The following ANO3 variants were observed in gnomAD, a reference collection of about 807,000 sequenced individuals.
ANO3 encodes the protein anoctamin-3.
A neutral mutation model predicts 144.8 loss-of-function variants in ANO3; 99 were observed. The ratio of observed to expected loss-of-function variants is 0.68; its 90% CI spans 0.58 to 0.81. The LOEUF (loss-of-function observed/expected upper bound fraction) is 0.81, where lower values mean the gene tolerates loss of function less well. ANO3 is among the 30% of genes least tolerant of loss of function. The pLI, the probability that ANO3 is intolerant of heterozygous loss-of-function variation, is 0.00. For missense variants in ANO3, 905 were observed against 1,202.2 expected (o/e 0.75, Z 3.66); for synonymous variants, 414 against 392.6 (o/e 1.05, Z -0.64).
At chr11:26,383,000 A>G (rs1856627848) in intron 1 of ANO3, among the ~76,000 whole-genome samples, 2 of 152,170 alleles carry the variant, frequency 1.3e-5, no homozygotes, top group South Asian at 4.1e-4. Context: ...TTCTATTAAC[A>G]TTGTGATCTT....
intron 14 of ANO3, among the ~76,000 whole-genome samples, chr11:26,595,460 G>GTGTTTTT (rs1851584686): frequency 2.0e-5 from 2 of 101,384 alleles, no homozygotes; most frequent in East Asian, 3.0e-4. Flanking sequence ...AGATAGAGTT[G>GTGTTTTT]TTTTTTTTTT....
chr11:26,419,178 G>A (rs1300687327), intron 1 of ANO3, among the ~76,000 whole-genome samples: 1 of 152,040 alleles, frequency 6.6e-6, no homozygotes, highest in Non-Finnish European at 1.5e-5. Flanking sequence ...GAAAGGGGAG[G>A]TGCTACACAC....
At chr11:26,277,537 A>G (rs773388174) in intron 1 of ANO3, among the ~76,000 whole-genome samples, 2 of 152,018 alleles carry the variant, frequency 1.3e-5, no homozygotes, top group Non-Finnish European at 2.9e-5. Flanking sequence ...AATCTTTTTG[A>G]CTTTTGCTGC....
At chr11:26,265,034 G>C (rs1273360016) in intron 1 of ANO3, among the ~76,000 whole-genome samples, 1 of 151,600 alleles carries the variant, frequency 6.6e-6, no homozygotes, top group African/African-American at 2.4e-5. Context: ...AGAAAATCAA[G>C]AATAAAAAAG....
chr11:26,471,610 A>G (rs1859786053), intron 4 of ANO3, among the ~76,000 whole-genome samples: 1 of 151,900 alleles, frequency 6.6e-6, no homozygotes, highest in Admixed American at 6.6e-5. Flanking sequence ...ACTGCACAAA[A>G]GCTCCTACAG....
chr11:26,244,009 C>T (rs1852724087), intron 1 of ANO3, among the ~76,000 whole-genome samples: 1 of 150,616 alleles, frequency 6.6e-6, no homozygotes, highest in South Asian at 2.1e-4. Flanking sequence ...CCCAGCTACT[C>T]AACAGGCTGA....
At chr11:26,539,997 G>T (rs577140563) in intron 10 of ANO3, among the ~76,000 whole-genome samples, 9 of 151,950 alleles carry the variant, frequency 5.9e-5, no homozygotes, top group African/African-American at 2.2e-4. Flanking sequence ...TCACATTTTG[G>T]TTCAGAAAAT....
intron 3 of ANO3, among the ~76,000 whole-genome samples, chr11:26,449,308 C>T (rs1408064436): frequency 1.3e-5 from 2 of 151,976 alleles, no homozygotes; most frequent in East Asian, 3.9e-4. Flanking sequence ...GGTTATTCAC[C>T]CCAATTCTGT....
chr11:26,548,958 A>C (rs1352781919), intron 12 of ANO3, among the ~76,000 whole-genome samples: 3 of 151,876 alleles, frequency 2.0e-5, no homozygotes, highest in African/African-American at 7.3e-5. Flanking sequence ...TTGGAAAAAA[A>C]AAAAAAACAC....
At chr11:26,533,814 T>A (rs1849433857) in intron 8 of ANO3, among the ~76,000 whole-genome samples, 2 of 152,184 alleles carry the variant, frequency 1.3e-5, no homozygotes, top group African/African-American at 4.8e-5. Context: ...ACTACGTGCT[T>A]GACACAATGG....
chr11:26,537,764 C>A (rs1050742540), intron 10 of ANO3, among the ~76,000 whole-genome samples: 6 of 152,326 alleles, frequency 3.9e-5, no homozygotes, highest in African/African-American at 1.4e-4. Context: ...AGATCAGCAC[C>A]ATTCCAAATA....
chr11:26,343,010 T>C (rs1371792637), intron 1 of ANO3, among the ~76,000 whole-genome samples: 1 of 152,188 alleles, frequency 6.6e-6, no homozygotes, highest in Non-Finnish European at 1.5e-5. Flanking sequence ...ATCCACCCTC[T>C]TAGCAAATTT....
intron 17 of ANO3, among the ~76,000 whole-genome samples, chr11:26,613,602 T>C (rs1488467969): frequency 6.6e-6 from 1 of 152,188 alleles, no homozygotes; most frequent in East Asian, 1.9e-4. Context: ...GCAAATCTAG[T>C]GTAAATTTGT....
At chr11:26,559,205 A>T (rs985338547) in intron 13 of ANO3, 2 of 152,380 alleles carry the variant, frequency 1.3e-5, no homozygotes, top group African/African-American at 4.8e-5. Flanking sequence ...TTAAGATGGG[A>T]TTTATTACAT....
chr11:26,567,696 T>C (rs1248929351), intron 14 of ANO3, among the ~76,000 whole-genome samples: 1 of 151,948 alleles, frequency 6.6e-6, no homozygotes, highest in Non-Finnish European at 1.5e-5. Flanking sequence ...TTAAGAAAAA[T>C]CTACTTAAAA....
rs544335805 is a variant in ANO3 at position 26,354,787 on chromosome 11, T to TTA, written c.46+22470_46+22471dup. ...AGTATCAACTTTGTTTAGTCAATGT[T>TTA]TATATTATTTTCATATTAAAATTGT... On this transcript the variant is annotated intron_variant, in intron 1 of 26. Coordinates refer to ENST00000256737, the MANE Select transcript of ANO3 (RefSeq NM_031418.4). 1.6e-3 allele frequency among the ~76,000 whole-genome samples: 237 copies of TTA among 152,284 alleles called. 1 individual carries two copies. Among genetic ancestry groups the TTA allele is most frequent in the African/African-American group, 5.5e-3 (230 of 41,578 alleles).
At chr11:26,458,330 C>G (rs72889108) in intron 3 of ANO3, among the ~76,000 whole-genome samples, 6,333 of 152,178 alleles carry the variant, frequency 0.042, 187 homozygotes, top group African/African-American at 0.078. Flanking sequence ...CAGATGTTGA[C>G]TGACGCTAAT....
intron 1 of ANO3, among the ~76,000 whole-genome samples, chr11:26,270,334 A>G (rs1031405657): frequency 2.0e-5 from 3 of 152,170 alleles, no homozygotes; most frequent in African/African-American, 7.2e-5. Context: ...TGGTAGAAAC[A>G]ATCTACTAAA....
intron 1 of ANO3, among the ~76,000 whole-genome samples, chr11:26,401,531 CAGAT>C (rs1037817643): frequency 2.0e-5 from 3 of 151,874 alleles, no homozygotes; most frequent in South Asian, 2.1e-4. Context: ...TGTGGCATGA[CAGAT>C]AGGTAGATAA....
Sources: gnomAD v4.1 joint callset for allele counts (sites outside exome capture counted in the v4.1 genomes callset) on GRCh38, gnomAD v4.1.1 for gene constraint, MANE v1.5 for transcripts, NCBI Gene and HGNC (gene_info 2026-07-23, HGNC 2026-07-21) for gene names.